Variants in EEFSEC observed in about 807,000 individuals in gnomAD.
EEFSEC encodes the protein selenocysteine-specific elongation factor.
Under a neutral mutation model 42.1 loss-of-function variants are expected in EEFSEC, and 43 were observed. That is an observed-to-expected ratio of 1.02 (90% CI 0.80 to 1.32). The LOEUF (loss-of-function observed/expected upper bound fraction) is 1.32. Ranked by LOEUF, EEFSEC falls within the 40% of genes most tolerant of loss-of-function variation. The pLI, the probability that EEFSEC is intolerant of heterozygous loss-of-function variation, is 0.00. For missense variants in EEFSEC, 745 were observed against 803.6 expected, an observed-to-expected ratio of 0.93 and a Z score of 0.88; for synonymous variants, 354 against 339.1, an observed-to-expected ratio of 1.04 and a Z score of -0.48.
chr3:128,340,875 T>A (rs1164728404), intron 4 of EEFSEC, among the ~76,000 whole-genome samples: 3 of 151,962 alleles, frequency 2.0e-5, no homozygotes, highest in Non-Finnish European at 4.4e-5. Context: ...AATGCTAGCA[T>A]GATTGATGGA....
At chr3:128,198,788 G>C (rs751826946) in intron 1 of EEFSEC, among the ~76,000 whole-genome samples, 5 of 152,100 alleles carry the variant, frequency 3.3e-5, no homozygotes, top group Non-Finnish European at 7.4e-5. Flanking sequence ...CCAGGAAGGA[G>C]ACATTTTTTC....
At chr3:128,344,603 T>G (rs924307684) in intron 5 of EEFSEC, among the ~76,000 whole-genome samples, 1 of 152,134 alleles carries the variant, frequency 6.6e-6, no homozygotes, top group Non-Finnish European at 1.5e-5. Context: ...GTCATGAAAT[T>G]TCCACTTTGT....
chr3:128,401,032 G>A (rs990699182), intron 6 of EEFSEC, among the ~76,000 whole-genome samples: 1 of 152,196 alleles, frequency 6.6e-6, no homozygotes, highest in Non-Finnish European at 1.5e-5. Flanking sequence ...CAGGGCCATA[G>A]GCTCCGAGAA....
chr3:128,214,224 A>G (rs1267212207), intron 1 of EEFSEC, among the ~76,000 whole-genome samples: 1 of 152,212 alleles, frequency 6.6e-6, no homozygotes, highest in Non-Finnish European at 1.5e-5. Context: ...ATATATGTAT[A>G]TGGAAAGAGA....
At chr3:128,155,506 T>G (rs770690566) in intron 1 of EEFSEC, among the ~76,000 whole-genome samples, 1 of 152,212 alleles carries the variant, frequency 6.6e-6, no homozygotes, top group Non-Finnish European at 1.5e-5. Context: ...GTTTTGTTTT[T>G]AGAAAAAATG....
chr3:128,370,905 T>G (rs1234527990), intron 6 of EEFSEC, among the ~76,000 whole-genome samples: 1 of 151,894 alleles, frequency 6.6e-6, no homozygotes, highest in Non-Finnish European at 1.5e-5. Flanking sequence ...GGTGAGGAGA[T>G]TTCCCCAGGG....
intron 2 of EEFSEC, among the ~76,000 whole-genome samples, chr3:128,251,808 C>A (rs956901150): frequency 1.3e-5 from 2 of 152,080 alleles, no homozygotes; most frequent in East Asian, 3.9e-4. Flanking sequence ...TAGTCAAACT[C>A]TTTGTTCTTC....
chr3:128,298,862 C>T (rs2066737106), intron 4 of EEFSEC, among the ~76,000 whole-genome samples: 1 of 152,194 alleles, frequency 6.6e-6, no homozygotes, highest in African/African-American at 2.4e-5. Flanking sequence ...ACATAATGGC[C>T]TCTAGTTCCA....
the EEFSEC span, among the ~76,000 whole-genome samples, chr3:128,423,812 CT>C: frequency 6.6e-6 from 1 of 152,224 alleles, no homozygotes; most frequent in Non-Finnish European, 1.5e-5. Context: ...AGTGGGGGAA[CT>C]TTATAGCATG....
Position 128,264,608 on chromosome 3 carries a change from C to T in EEFSEC, c.622-9C>T. 2 of 1,613,004 alleles carry T rather than the reference C, an allele frequency of 1.2e-6. No homozygotes were observed. The highest frequency in any genetic ancestry group is 1.7e-6 in the Non-Finnish European group (2 of 1,179,330). ...CCCACGGACTGTGGCACCAGTTTCT[C>T]TTTTCTAGCTCCTGACGTCCCAGAT... On this transcript the variant is annotated splice_polypyrimidine_tract_variant and intron_variant, in intron 3 of 6. Transcript: ENST00000254730.
chr3:128,369,076 G>C (rs2067623957), intron 6 of EEFSEC, among the ~76,000 whole-genome samples: 1 of 152,238 alleles, frequency 6.6e-6, no homozygotes, highest in Non-Finnish European at 1.5e-5. Context: ...GCCTTCAAGA[G>C]GAGGCCATCG....
intron 1 of EEFSEC, among the ~76,000 whole-genome samples, chr3:128,208,788 T>G (rs2065726345): frequency 6.6e-6 from 1 of 152,218 alleles, no homozygotes; most frequent in Admixed American, 6.5e-5. Context: ...CTGTGAGAAC[T>G]GCGACAATTC....
chr3:128,211,990 G>C (rs1431075797), intron 1 of EEFSEC, among the ~76,000 whole-genome samples: 1 of 151,214 alleles, frequency 6.6e-6, no homozygotes, highest in Admixed American at 6.6e-5. Flanking sequence ...CTCCTCAGTG[G>C]CTGGGACTAC....
chr3:128,263,269 A>G (rs1417879678), intron 3 of EEFSEC, among the ~76,000 whole-genome samples: 1 of 152,194 alleles, frequency 6.6e-6, no homozygotes, highest in African/African-American at 2.4e-5. Flanking sequence ...AACTTGACCC[A>G]TGTCTGGCAG....
intron 1 of EEFSEC, among the ~76,000 whole-genome samples, chr3:128,215,249 G>A (rs527473776): frequency 6.6e-6 from 1 of 152,132 alleles, no homozygotes. Flanking sequence ...CTCCTTTTGT[G>A]TCTCTCTGCC....
At chr3:128,170,483 A>G (rs1389327531) in intron 1 of EEFSEC, among the ~76,000 whole-genome samples, 1 of 152,052 alleles carries the variant, frequency 6.6e-6, no homozygotes, top group African/African-American at 2.4e-5. Context: ...CCTGGGTGGC[A>G]GAGTGAGACC....
intron 1 of EEFSEC, among the ~76,000 whole-genome samples, chr3:128,204,975 A>G (rs774531861): frequency 1.3e-5 from 2 of 152,198 alleles, no homozygotes; most frequent in Non-Finnish European, 2.9e-5. Context: ...GGGCTTCCCT[A>G]GAAGAGTTGT....
intron 6 of EEFSEC, among the ~76,000 whole-genome samples, chr3:128,403,648 G>A (rs185624022): frequency 2.0e-5 from 3 of 152,256 alleles, no homozygotes; most frequent in East Asian, 1.9e-4. Context: ...CCCTCGTACC[G>A]CACCACGCAT....
intron 6 of EEFSEC, among the ~76,000 whole-genome samples, chr3:128,402,041 T>C (rs1197773234): frequency 6.6e-6 from 1 of 152,196 alleles, no homozygotes; most frequent in Non-Finnish European, 1.5e-5. Flanking sequence ...TCCAGCCAGA[T>C]TGCACCGGTA....
Sources: gnomAD v4.1 joint callset for allele counts (sites outside exome capture counted in the v4.1 genomes callset) on GRCh38, gnomAD v4.1.1 for gene constraint, MANE v1.5 for transcripts, NCBI Gene and HGNC (gene_info 2026-07-23, HGNC 2026-07-21) for gene names.